Variants in ST6GAL2 observed in about 807,000 individuals in gnomAD.
The protein encoded by ST6GAL2 is ST6 beta-galactoside alpha-2,6-sialyltransferase 2.
In ST6GAL2, 24 loss-of-function variants were observed where a neutral mutation model predicts 37.5. The observed-to-expected ratio is 0.64, with a 90% CI of 0.46 to 0.90. The LOEUF is 0.90. ST6GAL2 is among the 40% of genes least tolerant of loss of function. The probability of loss-of-function intolerance (pLI) is 0.00; values close to 1 mark genes in which losing one functional copy is unlikely to be tolerated. For synonymous variants in ST6GAL2, 306 were observed against 295.1 expected (o/e 1.04, Z -0.38); for missense variants, 715 against 712.7 (o/e 1.00, Z -0.04).
intron 1 of ST6GAL2, among the ~76,000 whole-genome samples, chr2:106,872,326 G>C (rs551390292): frequency 6.6e-6 from 1 of 152,190 alleles, no homozygotes; most frequent in Admixed American, 6.5e-5. Context: ...CTGAGTTTGT[G>C]CTTATGTTGT....
chr2:106,858,903 G>A (rs1392300415), intron 1 of ST6GAL2, among the ~76,000 whole-genome samples: 2 of 151,958 alleles, frequency 1.3e-5, no homozygotes, highest in Non-Finnish European at 2.9e-5. Flanking sequence ...TGGCAAGGGA[G>A]GACAGCCAGA....
intron 1 of ST6GAL2, among the ~76,000 whole-genome samples, chr2:106,872,302 G>A (rs940494328): frequency 2.0e-5 from 3 of 152,208 alleles, no homozygotes; most frequent in Non-Finnish European, 4.4e-5. Context: ...TGGTGCATGA[G>A]TCCAGGGCCA....
chr2:106,844,059 A>T, intron 1 of ST6GAL2, 25 bp from the exon 2 acceptor site: 1 of 1,163,630 alleles, frequency 8.6e-7, no homozygotes. Context: ...GATGGCAGTT[A>T]GCCAACATGG....
In ST6GAL2 at chr2:106,837,391, T is replaced by G. The variant is rs184232332; in HGVS notation, c.944-3245A>C. On this transcript the variant is annotated intron_variant, in intron 2 of 5. Transcript: ENST00000409382. ...CCTGTCTCATGCATCATTCATTGTGTTTGTACCACCAGTGCAAATGTCAAC... is the reference window on the plus strand; with the variant it reads ...CCTGTCTCATGCATCATTCATTGTGGTTGTACCACCAGTGCAAATGTCAAC... 3.4e-3 allele frequency among the ~76,000 whole-genome samples: 518 copies of G among 152,302 alleles called. 5 individuals are homozygous for G. The highest frequency in any genetic ancestry group is 0.012 in the African/African-American group (496 of 41,570).
intron 1 of ST6GAL2, among the ~76,000 whole-genome samples, chr2:106,853,194 G>A (rs1199034501): frequency 2.0e-5 from 3 of 152,170 alleles, no homozygotes; most frequent in African/African-American, 2.4e-5. Context: ...TCTGACATCC[G>A]TATCTTTGTT....
chr2:106,886,907 G>C (rs190406004), upstream of ST6GAL2: 18 of 152,372 alleles, frequency 1.2e-4, no homozygotes, highest in African/African-American at 4.1e-4. Context: ...GGGGCAGCAC[G>C]GCTGCCTAAA....
intron 1 of ST6GAL2, among the ~76,000 whole-genome samples, chr2:106,868,124 T>C (rs957116644): frequency 3.9e-5 from 6 of 152,208 alleles, no homozygotes; most frequent in Non-Finnish European, 7.3e-5. Context: ...CCACAAATAC[T>C]ACCTTTGAGC....
intron 1 of ST6GAL2, among the ~76,000 whole-genome samples, chr2:106,852,638 TG>T (rs1374477570): frequency 1.3e-5 from 2 of 152,222 alleles, no homozygotes; most frequent in African/African-American, 4.8e-5. Context: ...GGGAATGTAC[TG>T]CAATGGCATT....
Position 106,836,476 on chromosome 2 carries a change from A to G in ST6GAL2, c.944-2330T>C, listed in dbSNP as rs113633128. On this transcript the variant is annotated intron_variant, in intron 2 of 5. Coordinates refer to ENST00000409382, the MANE Select transcript of ST6GAL2 (RefSeq NM_001142351.2). ...TCTGTTACATTAAAACTTGTGGTCTATTTTTCTCTTAAAATGGATCTTTCA... is the reference window on the plus strand; with the variant it reads ...TCTGTTACATTAAAACTTGTGGTCTGTTTTTCTCTTAAAATGGATCTTTCA... Among the ~76,000 whole-genome samples, 458 of 152,156 alleles carry G rather than the reference A, an allele frequency of 3.0e-3. 1 individual carries two copies. The highest frequency in any genetic ancestry group is 0.011 in the African/African-American group (439 of 41,496).
chr2:106,868,436 A>G (rs1678125146), intron 1 of ST6GAL2, among the ~76,000 whole-genome samples: 1 of 152,182 alleles, frequency 6.6e-6, no homozygotes, highest in Non-Finnish European at 1.5e-5. Context: ...TCAGTGCCAT[A>G]TGGATGTCAG....
chr2:106,828,171 T>C (rs775859436), intron 5 of ST6GAL2, among the ~76,000 whole-genome samples: 16 of 152,216 alleles, frequency 1.1e-4, no homozygotes, highest in Non-Finnish European at 2.4e-4. Context: ...TTAAACCCCA[T>C]GTTGATAATA....
chr2:106,880,764 T>C (rs1202209002), intron 1 of ST6GAL2, among the ~76,000 whole-genome samples: 1 of 152,224 alleles, frequency 6.6e-6, no homozygotes, highest in Non-Finnish European at 1.5e-5. Context: ...AGGGCTAGGC[T>C]CTTGTCCTGA....
Position 106,872,191 on chromosome 2 carries a change from A to T in ST6GAL2, c.-58+13902T>A, listed in dbSNP as rs72627460. On this transcript the variant is annotated intron_variant, in intron 1 of 5. Coordinates refer to ENST00000409382, the MANE Select transcript of ST6GAL2 (RefSeq NM_001142351.2). ...TCGTCTGTCACTGACTGAATGTTGT[A>T]TGTGGCACTTGACTGTATACTATCT... Among the ~76,000 whole-genome samples the T allele has an allele frequency of 1.4e-3, 207 of 152,334 alleles. 6 individuals are homozygous for T. In the East Asian group the frequency reaches 0.034, roughly 25 times the overall value.
chr2:106,886,856 C>G (rs577668764), upstream of ST6GAL2: 1 of 152,024 alleles, frequency 6.6e-6, no homozygotes, highest in African/African-American at 2.4e-5. Context: ...TTCTGCTTGT[C>G]GCGGAGAGTG....
chr2:106,871,884 C>T (rs555270226), intron 1 of ST6GAL2, among the ~76,000 whole-genome samples: 103 of 152,234 alleles, frequency 6.8e-4, no homozygotes, highest in African/African-American at 2.4e-3. Context: ...TCTAAAAGAA[C>T]GATAGAAGTA....
chr2:106,824,749 T>C (rs1676139340), intron 5 of ST6GAL2: 1 of 152,214 alleles, frequency 6.6e-6, no homozygotes, highest in South Asian at 2.1e-4. Context: ...CATTACATTG[T>C]TTTAACTAAA....
At position 106,882,960 on chromosome 2, in the gene ST6GAL2, G is replaced by A. The variant is rs916896009; in HGVS notation, c.-58+3133C>T. Among the ~76,000 whole-genome samples the A allele has an allele frequency of 6.6e-5, 10 of 152,298 alleles. No individual in the cohort carries two copies. The South Asian group carries it at 1.5e-3, about 22-fold the overall frequency. On this transcript the variant is annotated intron_variant, in intron 1 of 5. Coordinates refer to ENST00000409382, the MANE Select transcript of ST6GAL2 (RefSeq NM_001142351.2). ...GAACAATTCTCCCAACCAACCAGTA[G>A]GCCCTGGGTACTGTGGGATAATCAG...
At chr2:106,871,635 T>C (rs878857467) in intron 1 of ST6GAL2, among the ~76,000 whole-genome samples, 1 of 152,222 alleles carries the variant, frequency 6.6e-6, no homozygotes. Context: ...TAAATTTTTT[T>C]GTTAAAAGCT....
intron 5 of ST6GAL2, among the ~76,000 whole-genome samples, chr2:106,823,514 G>GAA (rs1196540683): frequency 6.6e-6 from 1 of 150,778 alleles, no homozygotes; most frequent in African/African-American, 2.4e-5. Flanking sequence ...GATCGAGAGA[G>GAA]AGAGAGAGAG....
Sources: allele counts gnomAD v4.1 joint callset (sites outside exome capture counted in the v4.1 genomes callset), GRCh38; gene constraint gnomAD v4.1.1; transcripts MANE v1.5; gene names NCBI Gene and HGNC (gene_info 2026-07-23, HGNC 2026-07-21).